UBE2E3: variants seen among roughly 807,000 people sequenced by gnomAD.
The protein encoded by UBE2E3 is ubiquitin conjugating enzyme E2 E3, also known as ubiquitin-conjugating enzyme E2 E3.
In UBE2E3, 5 loss-of-function variants were observed where a neutral mutation model predicts 23.6. That is an observed-to-expected ratio of 0.21 (90% CI 0.11 to 0.44). UBE2E3 has a LOEUF of 0.44. Ranked by LOEUF, UBE2E3 falls within the 20% of genes least tolerant of loss-of-function variation. The probability of loss-of-function intolerance (pLI) is 0.99; values close to 1 mark genes in which losing one functional copy is unlikely to be tolerated. For synonymous variants in UBE2E3, 78 were observed against 87.5 expected (o/e 0.89, Z 0.60); for missense variants, 81 against 249.8 (o/e 0.32, Z 4.55).
chr2:181,021,590 TC>T (rs1559124314), intron 3 of UBE2E3, among the ~76,000 whole-genome samples: 1 of 52,454 alleles, frequency 1.9e-5, no homozygotes. Flanking sequence ...CTCCCTTCCT[TC>T]CTCCCTCCCT....
At chr2:181,015,942 A>G (rs1244695953) in intron 3 of UBE2E3, among the ~76,000 whole-genome samples, 1 of 148,194 alleles carries the variant, frequency 6.7e-6, no homozygotes, top group Non-Finnish European at 1.5e-5. Flanking sequence ...TTTCTGTTAT[A>G]TAGTACCATG....
intron 3 of UBE2E3, among the ~76,000 whole-genome samples, chr2:181,028,362 C>A (rs1471029834): frequency 6.6e-6 from 1 of 151,966 alleles, no homozygotes; most frequent in Non-Finnish European, 1.5e-5. Context: ...AACAATCGTA[C>A]TGTGAAGATT....
At chr2:181,044,205 A>G (rs1261276932) in intron 3 of UBE2E3, among the ~76,000 whole-genome samples, 2 of 152,040 alleles carry the variant, frequency 1.3e-5, no homozygotes, top group African/African-American at 2.4e-5. Context: ...GATTATTTTT[A>G]TTTTGTTGAG....
rs187371386 is a variant in UBE2E3 at position 181,017,681 on chromosome 2, G to A, written c.245+33588G>A. 6.0e-5 allele frequency among the ~76,000 whole-genome samples: 9 copies of A among 149,088 alleles called. No individual in the cohort carries two copies. In the East Asian group the frequency reaches 1.6e-3, roughly 26 times the overall value. Reference sequence around the variant, plus strand: ...TTTTTTTAATACGGAAGTGTCATATGTTGCTTATTTAACAACAGCATAAAA... The same window carrying A: ...TTTTTTTAATACGGAAGTGTCATATATTGCTTATTTAACAACAGCATAAAA... On this transcript the variant is annotated intron_variant, in intron 3 of 5. Transcript: ENST00000410062.
chr2:181,022,365 C>CA (rs1685731530), intron 3 of UBE2E3, among the ~76,000 whole-genome samples: 1 of 151,378 alleles, frequency 6.6e-6, no homozygotes, highest in Admixed American at 6.6e-5. Flanking sequence ...ATAAAGTTGT[C>CA]AAACACCGAA....
intron 3 of UBE2E3, among the ~76,000 whole-genome samples, chr2:181,035,445 C>T (rs1389077263): frequency 1.3e-5 from 2 of 151,940 alleles, no homozygotes; most frequent in East Asian, 3.8e-4. Context: ...GTAATAACTA[C>T]TCTTACTAGT....
At chr2:181,059,617 A>G (rs1574227974) in intron 4 of UBE2E3, among the ~76,000 whole-genome samples, 1 of 151,660 alleles carries the variant, frequency 6.6e-6, no homozygotes, top group Admixed American at 6.6e-5. Flanking sequence ...TTTTGGTACT[A>G]ACTCTTTGAA....
chr2:181,025,154 T>A (rs1268335705), intron 3 of UBE2E3, among the ~76,000 whole-genome samples: 1 of 152,064 alleles, frequency 6.6e-6, no homozygotes, highest in Non-Finnish European at 1.5e-5. Flanking sequence ...TGGTTTGAAG[T>A]ACTGTTTAGG....
chr2:181,060,618 TA>T (rs1297730223), intron 4 of UBE2E3, 46 bp from the exon 5 acceptor site: 1 of 1,518,292 alleles, frequency 6.6e-7, no homozygotes. Flanking sequence ...TTTTAATTGG[TA>T]ATACAGCATT....
At chr2:181,057,290 T>A (rs1190785275) in intron 3 of UBE2E3, among the ~76,000 whole-genome samples, 1 of 151,790 alleles carries the variant, frequency 6.6e-6, no homozygotes, top group Non-Finnish European at 1.5e-5. Context: ...GGAGATTGTT[T>A]TTAGGAAATG....
chr2:181,015,818 A>G (rs769231874), intron 3 of UBE2E3, among the ~76,000 whole-genome samples: 1 of 152,132 alleles, frequency 6.6e-6, no homozygotes, highest in Non-Finnish European at 1.5e-5. Flanking sequence ...TCCTTGTTCC[A>G]TATACTAGAG....
intron 3 of UBE2E3, among the ~76,000 whole-genome samples, chr2:180,988,994 C>CT (rs1684570743): frequency 1.3e-5 from 2 of 152,050 alleles, no homozygotes; most frequent in Non-Finnish European, 2.9e-5. Flanking sequence ...CAGAACTACT[C>CT]TGACAAAGTA....
At chr2:180,997,905 T>C (rs941759850) in intron 3 of UBE2E3, among the ~76,000 whole-genome samples, 1 of 152,156 alleles carries the variant, frequency 6.6e-6, no homozygotes, top group Non-Finnish European at 1.5e-5. Flanking sequence ...TTGAGAGACA[T>C]TTGTACTACT....
intron 4 of UBE2E3, among the ~76,000 whole-genome samples, chr2:181,060,296 C>T (rs973449038): frequency 2.6e-5 from 4 of 151,640 alleles, no homozygotes; most frequent in African/African-American, 9.7e-5. Flanking sequence ...CTCTTACCTT[C>T]GGCACCAAAA....
intron 3 of UBE2E3, among the ~76,000 whole-genome samples, chr2:181,039,608 C>CA (rs894211229): frequency 3.9e-4 from 59 of 151,764 alleles, no homozygotes; most frequent in African/African-American, 1.3e-3. Context: ...CCCATCTCTA[C>CA]AAAAAAACAA....
At chr2:181,023,764 T>G (rs1685781926) in intron 3 of UBE2E3, among the ~76,000 whole-genome samples, 1 of 152,170 alleles carries the variant, frequency 6.6e-6, no homozygotes, top group African/African-American at 2.4e-5. Context: ...CTTTGTGTGT[T>G]AATTTTTAAA....
rs180873783 is a variant in UBE2E3, at chr2:181,011,573, A to T, written c.245+27480A>T. On this transcript the variant is annotated intron_variant, in intron 3 of 5. Coordinates refer to ENST00000410062, the MANE Select transcript of UBE2E3 (RefSeq NM_006357.4). ...CACCTAAATCAAAACTAAGTCAAAA[A>T]TTTTTTAAGAAAAATAATGCACTGG... Among the ~76,000 whole-genome samples, 327 of 152,208 alleles carry T rather than the reference A, an allele frequency of 2.1e-3. 1 individual carries two copies. The highest frequency in any genetic ancestry group is 7.6e-3 in the African/African-American group (314 of 41,546).
chr2:180,981,779 C>T (rs1323850071), intron 1 of UBE2E3, among the ~76,000 whole-genome samples: 1 of 152,158 alleles, frequency 6.6e-6, no homozygotes, highest in Non-Finnish European at 1.5e-5. Flanking sequence ...ATAGATTGTC[C>T]AAGAGACGGA....
rs566417864 is a variant in UBE2E3, at chr2:181,058,234, G to A, written c.378+409G>A. 1.4e-4 allele frequency among the ~76,000 whole-genome samples: 21 copies of A among 151,802 alleles called. 1 individual carries two copies. In the South Asian group the frequency reaches 4.1e-3, roughly 30 times the overall value. The stretch of plus-strand genomic sequence containing the variant: ...ATAAGGGTTTAATAATGTGAATTTT[G>A]TGCTGAATACCTTTATAGATAAGCA... On this transcript the variant is annotated intron_variant, in intron 4 of 5. Transcript: ENST00000410062.
Sources: allele counts gnomAD v4.1 joint callset (sites outside exome capture counted in the v4.1 genomes callset), GRCh38; gene constraint gnomAD v4.1.1; transcripts MANE v1.5; gene names NCBI Gene and HGNC (gene_info 2026-07-23, HGNC 2026-07-21).